The following RHOBTB2 variants were observed in gnomAD, a reference collection of about 807,000 sequenced individuals.
RHOBTB2 encodes rho-related BTB domain-containing protein 2.
A neutral mutation model predicts 66.5 loss-of-function variants in RHOBTB2; 39 were observed. The observed-to-expected ratio is 0.59, with a 90% confidence interval of 0.45 to 0.77. The LOEUF (loss-of-function observed/expected upper bound fraction) is 0.77. Among genes scored for constraint, RHOBTB2 ranks in the 30% least tolerant of loss-of-function variants. The pLI is 0.00. For missense variants in RHOBTB2, 755 were observed against 999.1 expected (o/e 0.76, Z 3.29); for synonymous variants, 390 against 395.0 (o/e 0.99, Z 0.15).
the RHOBTB2 span, among the ~76,000 whole-genome samples, chr8:22,980,704 C>A: frequency 4.6e-5 from 7 of 152,166 alleles, no homozygotes; most frequent in African/African-American, 1.4e-4. Flanking sequence ...AAATTCTGAA[C>A]TAATGTCCAA....
chr8:22,952,110 T>A, the RHOBTB2 span, among the ~76,000 whole-genome samples: 2 of 152,160 alleles, frequency 1.3e-5, no homozygotes, highest in African/African-American at 4.8e-5. Flanking sequence ...TCTAACTACG[T>A]GCTTACTTAG....
chr8:22,974,395 C>T, the RHOBTB2 span, among the ~76,000 whole-genome samples: 1 of 152,294 alleles, frequency 6.6e-6, no homozygotes, highest in East Asian at 1.9e-4. Flanking sequence ...AAGGCAGAGG[C>T]AAAGTGCGGG....
At position 23,007,134 on chromosome 8, in the gene RHOBTB2, C is replaced by T; in HGVS notation, c.889C>T (p.Leu297Phe). Residue 297 changes from leucine to phenylalanine, a missense_variant, in exon 5 of 10, where the codon CTC becomes TTC. Coordinates refer to ENST00000251822, the MANE Select transcript of RHOBTB2 (RefSeq NM_015178.3). ...TTCCTCCAAGTTCTATGACCTGTTC[C>T]TCATGGACCTGAGTGAGGGGGAGCT... The part of the protein sequence containing the change: ...TSSSKFYDLF[L>F]MDLSEGELGG... The T allele has an allele frequency of 6.2e-7, 1 of 1,608,940 alleles. No individual in the cohort carries two copies. The highest frequency in any genetic ancestry group is 8.5e-7 in the Non-Finnish European group (1 of 1,179,818).
the RHOBTB2 span, among the ~76,000 whole-genome samples, chr8:22,969,563 C>T: frequency 6.6e-6 from 1 of 152,018 alleles, no homozygotes; most frequent in African/African-American, 2.4e-5. Flanking sequence ...GAATGCAAAA[C>T]GAAGCCAGGT....
Position 23,017,137 on chromosome 8 carries a change from C to G in RHOBTB2, c.1967-115C>G. The stretch of plus-strand genomic sequence containing the variant: ...ATGTGCCGTGGGTCATGGGGATGTG[C>G]TGGGGGCTGGGCTGGAGGCCTGCTG... On this transcript the variant is annotated intron_variant, in intron 9 of 9. Transcript: ENST00000251822. The surrounding 1 kb of genome is among the most constrained non-coding windows in gnomAD (Gnocchi z 5.3). The G allele has an allele frequency of 7.4e-7, 1 of 1,358,374 alleles. No individual in the cohort carries two copies. The highest frequency in any genetic ancestry group is 1.0e-6 in the Non-Finnish European group (1 of 973,134). 84.1% of individuals were successfully genotyped at this position (1,358,374 alleles called of 1,614,324 possible). A position where few individuals can be genotyped will look rare whatever the true frequency, so the allele number is the denominator to read the frequency against.
At chr8:22,987,005 C>G (rs2466218), upstream of RHOBTB2, among the ~76,000 whole-genome samples, 35,918 of 152,236 alleles carry the variant, frequency 0.24, 4,782 homozygotes, top group African/African-American at 0.35. Context: ...CCTCTCCCCA[C>G]CTTCCATGGC....
At chr8:22,982,677 G>A (rs919139491), upstream of RHOBTB2, among the ~76,000 whole-genome samples, 1 of 152,154 alleles carries the variant, frequency 6.6e-6, no homozygotes, top group African/African-American at 2.4e-5. Context: ...GCGAGACAAC[G>A]TCACAAAAAC....
chr8:22,999,768 C>T lies in RHOBTB2; in HGVS notation c.-348C>T. 3.0e-6 allele frequency: 3 copies of T among 986,456 alleles called. No homozygotes were observed. Among genetic ancestry groups the T allele is most frequent in the Non-Finnish European group, 3.6e-6 (3 of 832,388 alleles). The allele number at this position is 986,456 out of a possible 1,614,324, so 61.1% of individuals were successfully genotyped here. Reference sequence around the variant, plus strand: ...CGGCGGCCTCGCCCCTCTCCCGGCGCCCCTGCGCGCCGCCCGCTGCCTCCG... The same window carrying T: ...CGGCGGCCTCGCCCCTCTCCCGGCGTCCCTGCGCGCCGCCCGCTGCCTCCG... On this transcript the variant is annotated 5_prime_UTR_variant, in exon 1 of 10. Transcript: ENST00000251822.
At chr8:22,981,771 C>T in the RHOBTB2 span, among the ~76,000 whole-genome samples, 2 of 152,210 alleles carry the variant, frequency 1.3e-5, no homozygotes, top group African/African-American at 4.8e-5. Flanking sequence ...AATAGGCCCA[C>T]TCCTGGCTGG....
the RHOBTB2 span, among the ~76,000 whole-genome samples, chr8:22,973,652 T>C: frequency 6.6e-6 from 1 of 152,136 alleles, no homozygotes; most frequent in South Asian, 2.1e-4. Flanking sequence ...AAACGATCAC[T>C]GAATGAATGG....
At chr8:22,985,344 G>A (rs1427999903), upstream of RHOBTB2, among the ~76,000 whole-genome samples, 3 of 152,202 alleles carry the variant, frequency 2.0e-5, no homozygotes, top group South Asian at 2.1e-4. Flanking sequence ...TAGCAATAGC[G>A]GTTTAAATGA....
Position 23,005,404 on chromosome 8 carries a change from T to C in RHOBTB2, c.225T>C (p.Asp75=), listed in dbSNP as rs193241213. 1 of 1,613,838 alleles carries C rather than the reference T, an allele frequency of 6.2e-7. No homozygotes were observed. Among genetic ancestry groups the C allele is most frequent in the African/African-American group, 1.3e-5 (1 of 74,928 alleles). Reference sequence around the variant, plus strand: ...AACGCTCCCGAGACGTGGTAGATGATGTCAGCGTCTCTCTGCGCCTCTGGG... The same window carrying C: ...AACGCTCCCGAGACGTGGTAGATGACGTCAGCGTCTCTCTGCGCCTCTGGG... ...VLERSRDVVD[D]VSVSLRLWDT... Residue 75 remains aspartate (D), a synonymous_variant, in exon 3 of 10, where the codon GAT becomes GAC. Coordinates refer to ENST00000251822, the MANE Select transcript of RHOBTB2 (RefSeq NM_015178.3).
At chr8:22,985,660 T>C (rs1036826520), upstream of RHOBTB2, among the ~76,000 whole-genome samples, 1 of 152,168 alleles carries the variant, frequency 6.6e-6, no homozygotes, top group Non-Finnish European at 1.5e-5. Flanking sequence ...GAAGGTGCGA[T>C]GGAGGGCTGG....
chr8:22,962,531 C>T, the RHOBTB2 span, among the ~76,000 whole-genome samples: 1 of 152,096 alleles, frequency 6.6e-6, no homozygotes, highest in South Asian at 2.1e-4. Context: ...GGGAGAAAGC[C>T]TGAATGCCAA....
chr8:22,985,131 G>C (rs945869007), upstream of RHOBTB2, among the ~76,000 whole-genome samples: 6 of 152,252 alleles, frequency 3.9e-5, no homozygotes, highest in Admixed American at 6.5e-5. Flanking sequence ...GGTACCCAAA[G>C]TCTGGTGGTG....
At chr8:22,974,853 T>A in the RHOBTB2 span, among the ~76,000 whole-genome samples, 1 of 151,740 alleles carries the variant, frequency 6.6e-6, no homozygotes, top group Non-Finnish European at 1.5e-5. Context: ...CTACTCAGAG[T>A]TCCTGCTACA....
the RHOBTB2 span, among the ~76,000 whole-genome samples, chr8:22,968,199 T>C: frequency 1.3e-5 from 2 of 152,046 alleles, no homozygotes; most frequent in Non-Finnish European, 2.9e-5. Context: ...ATGTTATGAA[T>C]ATTTTTCACA....
Position 23,019,447 on chromosome 8 carries a change from A to C in RHOBTB2, c.*1978A>C, listed in dbSNP as rs1346234269. The C allele has an allele frequency of 6.6e-6, 1 of 152,356 alleles. No individual in the cohort carries two copies. Among genetic ancestry groups the C allele is most frequent in the Admixed American group, 6.5e-5 (1 of 15,278 alleles). 9.4% of individuals were successfully genotyped at this position (152,356 alleles called of 1,614,324 possible). On this transcript the variant is annotated 3_prime_UTR_variant, in exon 10 of 10. Coordinates refer to ENST00000251822, the MANE Select transcript of RHOBTB2 (RefSeq NM_015178.3). Reference sequence around the variant, plus strand: ...GCCTCCCTGCAGCTCAGCGCAGCCCAGGGCTCCAAGTGAGGCCCAGAAGCC... The same window carrying C: ...GCCTCCCTGCAGCTCAGCGCAGCCCCGGGCTCCAAGTGAGGCCCAGAAGCC...
chr8:22,999,534 G>T, upstream of RHOBTB2: 1 of 1,122,422 alleles, frequency 8.9e-7, no homozygotes, highest in South Asian at 1.8e-5. Context: ...CACCAACTGC[G>T]CGCGGCAGTG....
Sources: allele counts gnomAD v4.1 joint callset (sites outside exome capture counted in the v4.1 genomes callset), GRCh38; gene constraint gnomAD v4.1.1; non-coding constraint Gnocchi (gnomAD v3.1); transcripts MANE v1.5; gene names NCBI Gene and HGNC (gene_info 2026-07-23, HGNC 2026-07-21).